The following KCNMA1 variants were observed in gnomAD, a reference collection of about 807,000 sequenced individuals.
KCNMA1 encodes the protein potassium calcium-activated channel subfamily M alpha 1.
KCNMA1 carries 29 observed loss-of-function variants against 140.0 expected under a neutral mutation model. The observed-to-expected ratio is 0.21, with a 90% CI of 0.15 to 0.28. The LOEUF is 0.28. Ranked by LOEUF, KCNMA1 falls within the 10% of genes least tolerant of loss-of-function variation. The probability of loss-of-function intolerance (pLI) is 1.00; values close to 1 mark genes in which losing one functional copy is unlikely to be tolerated. For missense variants in KCNMA1, 880 were observed against 1,602.2 expected (o/e 0.55, Z 7.70); for synonymous variants, 612 against 611.9 (o/e 1.00, Z 0.00).
At chr10:77,316,660 G>A (rs2080974543) in intron 2 of KCNMA1, among the ~76,000 whole-genome samples, 1 of 152,070 alleles carries the variant, frequency 6.6e-6, no homozygotes, top group African/African-American at 2.4e-5. Flanking sequence ...ATCTATGCTG[G>A]AACCCTGAAC....
chr10:77,234,820 C>T (rs182962382), intron 3 of KCNMA1, among the ~76,000 whole-genome samples: 105 of 152,272 alleles, frequency 6.9e-4, no homozygotes, highest in Non-Finnish European at 1.2e-3. Flanking sequence ...GGATTTGCAA[C>T]CAAGCCTACC....
chr10:77,627,646 C>T (rs1359845689), intron 1 of KCNMA1, among the ~76,000 whole-genome samples: 2 of 152,234 alleles, frequency 1.3e-5, no homozygotes, highest in Admixed American at 1.3e-4. Flanking sequence ...CACCACCCAG[C>T]TCTGTCCCTT....
downstream of KCNMA1, chr10:76,874,592 G>C (rs1301916552): frequency 1.3e-5 from 2 of 152,118 alleles, no homozygotes; most frequent in African/African-American, 4.8e-5. Context: ...ACATGAAAAA[G>C]TCCCAAATTT....
At chr10:77,227,197 C>T (rs115837679) in intron 3 of KCNMA1, among the ~76,000 whole-genome samples, 156 of 152,194 alleles carry the variant, frequency 1.0e-3, no homozygotes, top group African/African-American at 3.6e-3. Context: ...GAAAATTTTT[C>T]CCCATTAAGT....
chr10:77,245,746 A>T (rs2058407508), intron 3 of KCNMA1, among the ~76,000 whole-genome samples: 2 of 152,194 alleles, frequency 1.3e-5, no homozygotes, highest in Non-Finnish European at 2.9e-5. Flanking sequence ...ACAAGGACAG[A>T]TTAGGTAAGG....
At chr10:77,114,048 C>T (rs142537546) in intron 6 of KCNMA1, among the ~76,000 whole-genome samples, 5 of 152,290 alleles carry the variant, frequency 3.3e-5, no homozygotes, top group African/African-American at 9.6e-5. Flanking sequence ...TGACTAGCTC[C>T]ATCCATGTGG....
intron 3 of KCNMA1, among the ~76,000 whole-genome samples, chr10:77,206,511 T>C (rs376344505): frequency 3.5e-4 from 54 of 152,140 alleles, no homozygotes; most frequent in African/African-American, 1.2e-3. Flanking sequence ...CTCTTGGTTT[T>C]TCGTCTAACT....
At position 77,182,448 on chromosome 10, in the gene KCNMA1, C is replaced by G. The variant is rs200595033; in HGVS notation, c.808+973G>C. Among the ~76,000 whole-genome samples the G allele has an allele frequency of 3.3e-5, 5 of 152,264 alleles. No homozygotes were observed. The East Asian group carries it at 9.7e-4, about 29-fold the overall frequency. On this transcript the variant is annotated intron_variant, in intron 5 of 27. Transcript: ENST00000286628. Reference sequence around the variant, plus strand: ...TTTGAAACAATTTCTTATACAAACACCACCATCTCTAAAACACTATCATGT... The same window carrying G: ...TTTGAAACAATTTCTTATACAAACAGCACCATCTCTAAAACACTATCATGT...
chr10:77,420,948 T>C (rs1425525216), intron 1 of KCNMA1, among the ~76,000 whole-genome samples: 1 of 152,248 alleles, frequency 6.6e-6, no homozygotes, highest in East Asian at 1.9e-4. Context: ...GCCAGAGAGA[T>C]ACCACAAGGT....
intron 10 of KCNMA1, among the ~76,000 whole-genome samples, chr10:77,088,745 C>A (rs1444007988): frequency 6.6e-6 from 1 of 152,170 alleles, no homozygotes; most frequent in Non-Finnish European, 1.5e-5. Flanking sequence ...TTTATTCAAA[C>A]TAAAGCAGTG....
At chr10:77,247,789 C>T (rs973058196) in intron 3 of KCNMA1, among the ~76,000 whole-genome samples, 31 of 152,210 alleles carry the variant, frequency 2.0e-4, no homozygotes, top group African/African-American at 7.5e-4. Flanking sequence ...AGTCCAGAGG[C>T]ATCTTCCTCT....
chr10:77,384,412 G>A (rs547894999), intron 2 of KCNMA1, among the ~76,000 whole-genome samples: 28 of 152,326 alleles, frequency 1.8e-4, no homozygotes, highest in African/African-American at 6.5e-4. Context: ...CCTGGTGCTC[G>A]GATCATTGGT....
intron 23 of KCNMA1, among the ~76,000 whole-genome samples, chr10:76,921,283 A>G (rs902600370): frequency 2.6e-5 from 4 of 152,216 alleles, no homozygotes; most frequent in African/African-American, 9.7e-5. Context: ...AAAGGGAAAG[A>G]TCACCTTTAA....
At chr10:77,417,897 A>G (rs2096778127) in intron 1 of KCNMA1, among the ~76,000 whole-genome samples, 1 of 152,194 alleles carries the variant, frequency 6.6e-6, no homozygotes, top group African/African-American at 2.4e-5. Flanking sequence ...CCAGGTTACC[A>G]GGCATACAGC....
intron 3 of KCNMA1, among the ~76,000 whole-genome samples, chr10:77,243,686 G>C (rs866035342): frequency 3.8e-4 from 58 of 152,288 alleles, no homozygotes; most frequent in African/African-American, 1.3e-3. Flanking sequence ...TGGGCAAAAT[G>C]TCCTCAAAAG....
intron 1 of KCNMA1, among the ~76,000 whole-genome samples, chr10:77,500,960 C>T (rs966396975): frequency 6.6e-6 from 1 of 152,178 alleles, no homozygotes; most frequent in African/African-American, 2.4e-5. Flanking sequence ...ATTAAAAACA[C>T]ACATTCTCAG....
chr10:77,313,201 C>G (rs186722246), intron 2 of KCNMA1, among the ~76,000 whole-genome samples: 1 of 152,182 alleles, frequency 6.6e-6, no homozygotes, highest in East Asian at 1.9e-4. Flanking sequence ...CTTCCTTAAA[C>G]GCTAGCATAA....
chr10:77,109,084 CA>C (rs1165962468), intron 8 of KCNMA1, among the ~76,000 whole-genome samples: 1 of 150,164 alleles, frequency 6.7e-6, no homozygotes, highest in Non-Finnish European at 1.5e-5. Flanking sequence ...CTGAAAAGCT[CA>C]AAAGGGAAAT....
intron 1 of KCNMA1, among the ~76,000 whole-genome samples, chr10:77,405,443 G>A (rs923237598): frequency 1.3e-5 from 2 of 152,194 alleles, no homozygotes; most frequent in Non-Finnish European, 2.9e-5. Context: ...AGGGCTATGA[G>A]TATCAGCCCC....
Sources: gnomAD v4.1 joint callset for allele counts (sites outside exome capture counted in the v4.1 genomes callset) on GRCh38, gnomAD v4.1.1 for gene constraint, MANE v1.5 for transcripts, NCBI Gene and HGNC (gene_info 2026-07-23, HGNC 2026-07-21) for gene names.